Variants in MAP2K7 observed in about 807,000 individuals in gnomAD.
MAP2K7 encodes dual specificity mitogen-activated protein kinase kinase 7.
MAP2K7 carries 12 observed loss-of-function variants against 47.7 expected under a neutral mutation model. The ratio of observed to expected loss-of-function variants is 0.25; its 90% CI spans 0.16 to 0.41. The LOEUF is 0.41. MAP2K7 is among the 10% of genes least tolerant of loss of function. The pLI, the probability that MAP2K7 is intolerant of heterozygous loss-of-function variation, is 1.00. For synonymous variants in MAP2K7, 299 were observed against 243.0 expected (o/e 1.23, Z -2.14); for missense variants, 415 against 600.3 (o/e 0.69, Z 3.23).
Position 7,911,064 on chromosome 19 carries a change from C to A in MAP2K7, c.760C>A (p.Arg254=), listed in dbSNP as rs1279498308. 2.5e-6 allele frequency: 4 copies of A among 1,612,676 alleles called. No homozygotes were observed. The highest frequency in any genetic ancestry group is 3.4e-6 in the Non-Finnish European group (4 of 1,179,892). The change falls in exon 7 of 11, where the codon CGG becomes AGG. Residue 254 remains arginine, a synonymous_variant. Coordinates refer to ENST00000397979, the MANE Select transcript of MAP2K7 (RefSeq NM_145185.4). ...GCCCTCCAACATCCTGCTGGACGAG[C>A]GGGGCCAGATCAAGCTCTGCGACTT... ...VKPSNILLDE[R]GQIKLCDFGI...
chr19:7,912,282 C>T lies in MAP2K7; in HGVS notation c.1126-15C>T. 6.2e-7 allele frequency: 1 copy of T among 1,613,650 alleles called. No individual in the cohort carries two copies. The highest frequency in any genetic ancestry group is 8.5e-7 in the Non-Finnish European group (1 of 1,179,874). On this transcript the variant is annotated splice_polypyrimidine_tract_variant and intron_variant, in intron 10 of 10. Coordinates refer to ENST00000397979, the MANE Select transcript of MAP2K7 (RefSeq NM_145185.4). ...AGACCGTCTCCTCCTAAGCCCCACCCCCTCGGGCCCACAGGAACACAGCTT... is the reference window on the plus strand; with the variant it reads ...AGACCGTCTCCTCCTAAGCCCCACCTCCTCGGGCCCACAGGAACACAGCTT...
Position 7,910,475 on chromosome 19 carries a change from A to G in MAP2K7, c.470A>G (p.Lys157Arg), listed in dbSNP as rs367833467. ...AVKQMRRSGN[K>R]EENKRILMDL... Reference sequence around the variant, plus strand: ...CAGCAAATGCGGCGCTCCGGGAACAAGGAGGAGAACAAGCGCATCCTCATG... The same window carrying G: ...CAGCAAATGCGGCGCTCCGGGAACAGGGAGGAGAACAAGCGCATCCTCATG... The change falls in exon 5 of 11, where the codon AAG becomes AGG. Residue 157 changes from lysine to arginine, a missense_variant. Transcript: ENST00000397979. 38 of 1,611,128 alleles carry G rather than the reference A, an allele frequency of 2.4e-5. No individual in the cohort carries two copies. In the African/African-American group the frequency reaches 4.3e-4, roughly 18 times the overall value.
chr19:7,904,166 G>T, intron 1 of MAP2K7, 98 bp downstream of exon 1: 2 of 1,022,848 alleles, frequency 2.0e-6, no homozygotes, highest in Non-Finnish European at 2.4e-6. Flanking sequence ...CCCGCTTCCG[G>T]GGCGCTCGCT....
At chr19:7,910,947 CT>C (rs1047767581) in intron 6 of MAP2K7, 32 bp from the exon 7 acceptor site, 4 of 1,598,396 alleles carry the variant, frequency 2.5e-6, no homozygotes, top group Non-Finnish European at 3.4e-6. Context: ...TCTGTGCCCC[CT>C]GCCACATGCA....
At chr19:7,907,784 G>A (rs560802234) in intron 1 of MAP2K7, among the ~76,000 whole-genome samples, 1 of 152,152 alleles carries the variant, frequency 6.6e-6, no homozygotes, top group Admixed American at 6.5e-5. Flanking sequence ...AGTGCAGGGT[G>A]TGAGCGGGAC....
intron 9 of MAP2K7, 55 bp downstream of exon 9, chr19:7,911,633 TG>T: frequency 8.6e-6 from 13 of 1,507,546 alleles, no homozygotes; most frequent in Non-Finnish European, 1.2e-5. Context: ...TCTGGGCAGC[TG>T]GGGAGGCAAT....
chr19:7,905,773 G>C (rs781578476), intron 1 of MAP2K7: 2 of 1,549,488 alleles, frequency 1.3e-6, no homozygotes, highest in African/African-American at 2.7e-5. Flanking sequence ...GTGATTTATC[G>C]TGGTGTTGTT....
chr19:7,910,381 T>C lies in MAP2K7; in HGVS notation c.447+8T>C, dbSNP rs1285453665. The C allele has an allele frequency of 6.2e-7, 1 of 1,610,862 alleles. No homozygotes were observed. Among genetic ancestry groups the C allele is most frequent in the Non-Finnish European group, 8.5e-7 (1 of 1,178,988 alleles). ...CACGTCATTGCCGTTAAGGTGAGCC[T>C]TGGCGGCTACCCCGGCTGCGCCCCA... is the stretch of plus-strand genomic sequence containing the variant. On this transcript the variant is annotated splice_region_variant and intron_variant, in intron 4 of 10. Coordinates refer to ENST00000397979, the MANE Select transcript of MAP2K7 (RefSeq NM_145185.4).
intron 1 of MAP2K7, among the ~76,000 whole-genome samples, chr19:7,905,648 TC>T (rs1289986079): frequency 1.1e-4 from 17 of 151,930 alleles, no homozygotes; most frequent in Admixed American, 5.2e-4. Context: ...CATCCCATCC[TC>T]CCCGCCCTCC....
intron 1 of MAP2K7, 23 bp downstream of exon 1, chr19:7,904,091 GGGGGCGGGCGGGCGGGGC>G: frequency 4.0e-6 from 5 of 1,253,194 alleles, no homozygotes; most frequent in Non-Finnish European, 4.0e-6. Flanking sequence ...GCGTGGGGGA[GGGGGCGGGCGGGCGGGGC>G]GGGGCGCGCG....
chr19:7,905,511 A>T (rs751933179), intron 1 of MAP2K7, among the ~76,000 whole-genome samples: 6 of 152,084 alleles, frequency 3.9e-5, no homozygotes, highest in African/African-American at 1.5e-4. Context: ...CCCTGAGTGG[A>T]TGAGACAGGG....
chr19:7,906,699 A>C (rs1158970160), intron 1 of MAP2K7: 2 of 152,302 alleles, frequency 1.3e-5, no homozygotes, highest in African/African-American at 4.8e-5. Context: ...AGCCTGGCCA[A>C]CATGGTGAAA....
In MAP2K7 at chr19:7,910,643, T is replaced by C. The variant is rs1982772775; in HGVS notation, c.568-53T>C. ...CTGCCCCTTCCTAGGGAGCAGAGCC[T>C]CTGGGGGGTGGGCCGGAAGACACAG... On this transcript the variant is annotated intron_variant, in intron 5 of 10. Coordinates refer to ENST00000397979, the MANE Select transcript of MAP2K7 (RefSeq NM_145185.4). The C allele has an allele frequency of 1.9e-6, 3 of 1,608,782 alleles. No homozygotes were observed. The African/African-American group carries it at 4.0e-5, about 21-fold the overall frequency.
chr19:7,909,808 A>T lies in MAP2K7; in HGVS notation c.178A>T (p.Ser60Cys). 6.5e-7 allele frequency: 1 copy of T among 1,542,296 alleles called. No individual in the cohort carries two copies. Among genetic ancestry groups the T allele is most frequent in the Non-Finnish European group, 8.7e-7 (1 of 1,145,740 alleles). The change falls in exon 2 of 11, where the codon AGC becomes TGC. Residue 60 changes from serine to cysteine, a missense_variant. Ser to Cys is a moderately radical substitution (Grantham distance 112, BLOSUM62 -1). Coordinates refer to ENST00000397979, the MANE Select transcript of MAP2K7 (RefSeq NM_145185.4). ...GGGCAGCCGCTCGCCATCCTCAGAG[A>T]GCTCCCCGCAGCACCCCACGCCCCC... ...DGGSRSPSSE[S>C]SPQHPTPPAR...
intron 5 of MAP2K7, 44 bp downstream of exon 5, chr19:7,910,616 C>A (rs765144161): frequency 6.2e-7 from 1 of 1,612,058 alleles, no homozygotes; most frequent in Non-Finnish European, 8.5e-7. Flanking sequence ...CCTCCCTCAC[C>A]CCTGCCCCTT....
intron 1 of MAP2K7, among the ~76,000 whole-genome samples, chr19:7,905,261 G>T (rs1239488895): frequency 3.9e-5 from 4 of 102,198 alleles, no homozygotes; most frequent in Non-Finnish European, 7.0e-5. Flanking sequence ...AGGCGAGAAA[G>T]GTACCCCCGT....
rs999368067 is a variant in MAP2K7 at position 7,913,449 on chromosome 19, CAG to C, written c.*1019_*1020del. 2 of 148,734 alleles carry C rather than the reference CAG, an allele frequency of 1.3e-5. No individual in the cohort carries two copies. The highest frequency in any genetic ancestry group is 5.0e-5 in the African/African-American group (2 of 39,694). The allele number at this position is 148,734 out of a possible 1,614,324, so 9.2% of individuals were successfully genotyped here. ...GCCAAGGGAGGGGTCCGGAGGGAGT[CAG>C]GGATGGAGGGCAGAGGGAGTGGATG... On this transcript the variant is annotated 3_prime_UTR_variant, in exon 11 of 11. Coordinates refer to ENST00000397979, the MANE Select transcript of MAP2K7 (RefSeq NM_145185.4).
intron 4 of MAP2K7, 40 bp downstream of exon 4, chr19:7,910,413 A>G (rs1982751867): frequency 6.2e-7 from 1 of 1,603,508 alleles, no homozygotes; most frequent in Non-Finnish European, 8.5e-7. Context: ...CCCACACCCC[A>G]GGCCGGTGCT....
intron 1 of MAP2K7, chr19:7,905,730 T>C: frequency 1.6e-6 from 2 of 1,278,224 alleles, no homozygotes; most frequent in Middle Eastern, 1.8e-4. Flanking sequence ...TGATTTGATT[T>C]CTTTTCTTTT....
Sources: gnomAD v4.1 joint callset for allele counts (sites outside exome capture counted in the v4.1 genomes callset) on GRCh38, gnomAD v4.1.1 for gene constraint, MANE v1.5 for transcripts, NCBI Gene and HGNC (gene_info 2026-07-23, HGNC 2026-07-21) for gene names.